The following TOM1L1 variants were observed in gnomAD, a reference collection of about 807,000 sequenced individuals.
The protein encoded by TOM1L1 is TOM1-like protein 1.
Under a neutral mutation model 63.4 loss-of-function variants are expected in TOM1L1, and 64 were observed. The ratio of observed to expected loss-of-function variants is 1.01; its 90% CI spans 0.83 to 1.24. The LOEUF (loss-of-function observed/expected upper bound fraction) is 1.24, where lower values mean the gene tolerates loss of function less well. Among genes scored for constraint, TOM1L1 ranks in the 50% most tolerant of loss-of-function variants. TOM1L1 has a pLI of 0.00. For missense variants in TOM1L1, 536 were observed against 567.0 expected (o/e 0.95, Z 0.55); for synonymous variants, 166 against 194.4 (o/e 0.85, Z 1.22).
intron 10 of TOM1L1, chr17:54,937,477 C>G: frequency 4.3e-6 from 2 of 462,350 alleles, no homozygotes; most frequent in Non-Finnish European, 3.9e-6. Context: ...TTCACCTGGC[C>G]TGCTTTGTAG....
At chr17:54,902,809 A>G (rs1231272208) in intron 1 of TOM1L1, among the ~76,000 whole-genome samples, 1 of 152,176 alleles carries the variant, frequency 6.6e-6, no homozygotes, top group Non-Finnish European at 1.5e-5. Context: ...TTGTATTCTT[A>G]AAGCGGCTGT....
chr17:54,954,361 G>C (rs2049383956), intron 14 of TOM1L1: 2 of 152,192 alleles, frequency 1.3e-5, no homozygotes, highest in African/African-American at 4.8e-5. Flanking sequence ...AAAACACATA[G>C]ACCCGAGCAA....
rs1306820813 is a variant in TOM1L1 at position 54,918,825 on chromosome 17, T to A, written c.720+2963T>A. ...GATGCATAAAGTTCACTGATACAGCTAAGAGTCTTTGTTTAACCCAACATT... is the reference window on the plus strand; with the variant it reads ...GATGCATAAAGTTCACTGATACAGCAAAGAGTCTTTGTTTAACCCAACATT... On this transcript the variant is annotated intron_variant, in intron 7 of 15. Transcript: ENST00000575882. Among the ~76,000 whole-genome samples the A allele has an allele frequency of 3.9e-5, 6 of 152,366 alleles. No homozygotes were observed. The East Asian group carries it at 1.2e-3, about 29-fold the overall frequency.
chr17:54,914,493 AC>A, intron 5 of TOM1L1, 145 bp from the exon 6 acceptor site: 1 of 618,626 alleles, frequency 1.6e-6, no homozygotes, highest in Non-Finnish European at 2.9e-6. Context: ...AAAATGCTGG[AC>A]GGGTTGTGTA....
At chr17:54,943,776 A>C (rs1598048673) in intron 11 of TOM1L1, among the ~76,000 whole-genome samples, 1 of 151,864 alleles carries the variant, frequency 6.6e-6, no homozygotes, top group Middle Eastern at 3.4e-3. Flanking sequence ...CAGGAGATCG[A>C]GACCATCCTA....
At position 54,900,855 on chromosome 17, in the gene TOM1L1, C is replaced by T. The variant is rs1240508202; in HGVS notation, c.-11C>T. The T allele has an allele frequency of 3.7e-6, 6 of 1,613,252 alleles. No homozygotes were observed. Among genetic ancestry groups the T allele is most frequent in the Admixed American group, 1.7e-5 (1 of 60,022 alleles). ...AGGCGGATTTCCTGGGCCCGGCCCT[C>T]TGGCGCTACCATGGCGTTTGGCAAG... On this transcript the variant is annotated 5_prime_UTR_variant, in exon 1 of 16. Transcript: ENST00000575882.
Position 54,955,051 on chromosome 17 carries a change from A to C in TOM1L1, c.1370+4925A>C, listed in dbSNP as rs2049424222. 3 of 152,122 alleles carry C rather than the reference A, an allele frequency of 2.0e-5. No homozygotes were observed. In the South Asian group the frequency reaches 6.2e-4, roughly 32 times the overall value. The allele number at this position is 152,122 out of a possible 1,614,324, so 9.4% of individuals were successfully genotyped here. On this transcript the variant is annotated intron_variant, in intron 14 of 15. Transcript: ENST00000575882. Reference sequence around the variant, plus strand: ...GGCACCCTAACAAGCTCTCCTTCCAAGACCTAGTTCACGACATTCTACGGT... The same window carrying C: ...GGCACCCTAACAAGCTCTCCTTCCACGACCTAGTTCACGACATTCTACGGT...
At position 54,960,601 on chromosome 17, in the gene TOM1L1, AAGG is replaced by A. The variant is rs1324681619; in HGVS notation, c.1409_1411del (p.Gly470del). ...GAAGAAATTGATGCTCACCAGCACA[AAGG>A]AGCTCAAAATGATGGTGACTGAGGT... On this transcript the variant is annotated inframe_deletion, in exon 15 of 16. Transcript: ENST00000575882. 1.2e-6 allele frequency: 2 copies of A among 1,612,866 alleles called. No homozygotes were observed. Among genetic ancestry groups the A allele is most frequent in the Non-Finnish European group, 1.7e-6 (2 of 1,179,438 alleles).
intron 3 of TOM1L1, among the ~76,000 whole-genome samples, chr17:54,909,268 C>G (rs1451539260): frequency 6.6e-6 from 1 of 152,116 alleles, no homozygotes; most frequent in Non-Finnish European, 1.5e-5. Context: ...CCAAGCAAAA[C>G]AAAGCAAAAC....
At chr17:54,924,502 A>C (rs983503212) in intron 7 of TOM1L1, among the ~76,000 whole-genome samples, 5 of 149,776 alleles carry the variant, frequency 3.3e-5, no homozygotes, top group African/African-American at 1.2e-4. Context: ...CTGATCTCGA[A>C]CTCTTTCTTA....
chr17:54,902,853 T>C (rs937347895), intron 1 of TOM1L1, among the ~76,000 whole-genome samples: 1 of 152,186 alleles, frequency 6.6e-6, no homozygotes, highest in Non-Finnish European at 1.5e-5. Context: ...TATCTAATCA[T>C]AGGGTTCCAA....
In TOM1L1 at chr17:54,930,112, A is replaced by G. The variant is rs2143855973; in HGVS notation, c.760A>G (p.Met254Val). ...AGGTCGGGAGATGCAGGAGAGGATC[A>G]TGGACCTGCTTGTGGTGGTGGAGAA... is the stretch of plus-strand genomic sequence containing the variant. ...KTGREMQERI[M>V]DLLVVVENED... is the part of the protein sequence containing the mutation. Residue 254 changes from methionine (M) to valine (V), a missense_variant, in exon 8 of 16, where the codon ATG (methionine) becomes GTG (valine). By Grantham distance (21) the Met-to-Val change is conservative. Coordinates refer to ENST00000575882, the MANE Select transcript of TOM1L1 (RefSeq NM_005486.3). 4 of 1,614,142 alleles carry G rather than the reference A, an allele frequency of 2.5e-6. No individual in the cohort carries two copies. Among genetic ancestry groups the G allele is most frequent in the Non-Finnish European group, 2.5e-6 (3 of 1,180,012 alleles).
At chr17:54,937,367 C>G (rs1413265286) in intron 10 of TOM1L1, 141 bp downstream of exon 10, 3 of 701,768 alleles carry the variant, frequency 4.3e-6, no homozygotes, top group Non-Finnish European at 7.3e-6. Flanking sequence ...GATGTGATTA[C>G]TTCCCGGCAA....
At chr17:54,953,260 T>C (rs76622564) in intron 14 of TOM1L1, 2,594 of 152,520 alleles carry the variant, frequency 0.017, 27 homozygotes, top group Non-Finnish European at 0.027. Flanking sequence ...TCCCAGCTAC[T>C]TGAGAGGCTA....
intron 7 of TOM1L1, among the ~76,000 whole-genome samples, chr17:54,922,077 G>A (rs1364415789): frequency 6.6e-6 from 1 of 152,046 alleles, no homozygotes; most frequent in Non-Finnish European, 1.5e-5. Flanking sequence ...CGGATCATGA[G>A]GTCAGGAGGT....
intron 14 of TOM1L1, chr17:54,953,529 C>G (rs1450066501): frequency 6.6e-6 from 1 of 152,296 alleles, no homozygotes; most frequent in African/African-American, 2.4e-5. Context: ...TGGGCTTGTC[C>G]TCCTCCTTCC....
intron 14 of TOM1L1, among the ~76,000 whole-genome samples, chr17:54,958,590 G>T (rs1277023474): frequency 6.6e-6 from 1 of 152,116 alleles, no homozygotes; most frequent in East Asian, 1.9e-4. Flanking sequence ...AATTAGCCAG[G>T]CGTGGTAGCG....
At chr17:54,944,003 A>C (rs576366174) in intron 11 of TOM1L1, among the ~76,000 whole-genome samples, 8 of 136,120 alleles carry the variant, frequency 5.9e-5, no homozygotes, top group South Asian at 4.8e-4. Flanking sequence ...TAAATACATA[A>C]ATAAATAAAA....
intron 7 of TOM1L1, among the ~76,000 whole-genome samples, chr17:54,922,964 A>C (rs1034001328): frequency 2.6e-5 from 4 of 152,156 alleles, no homozygotes; most frequent in African/African-American, 7.2e-5. Flanking sequence ...CTGTGGATTT[A>C]CCTGTTCTGG....
Sources: allele counts gnomAD v4.1 joint callset (sites outside exome capture counted in the v4.1 genomes callset), GRCh38; gene constraint gnomAD v4.1.1; transcripts MANE v1.5; gene names NCBI Gene and HGNC (gene_info 2026-07-23, HGNC 2026-07-21).